The following LPAR1 variants were observed in gnomAD, a reference collection of about 807,000 sequenced individuals.
The protein encoded by LPAR1 is lysophosphatidic acid receptor 1, also known as LPA receptor 1.
In LPAR1, 5 loss-of-function variants were observed where a neutral mutation model predicts 23.8. The ratio of observed to expected loss-of-function variants is 0.21; its 90% CI spans 0.11 to 0.44. The LOEUF (loss-of-function observed/expected upper bound fraction) is 0.44, where lower values mean the gene tolerates loss of function less well. Among genes scored for constraint, LPAR1 ranks in the 20% least tolerant of loss-of-function variants. The pLI is 0.99. For missense variants in LPAR1, 311 were observed against 482.8 expected (o/e 0.64, Z 3.33); for synonymous variants, 160 against 164.7 (o/e 0.97, Z 0.22).
Position 110,933,167 on chromosome 9 carries a change from C to T in LPAR1, c.793+8254G>A, listed in dbSNP as rs558300216. ...GCAGTAAAAGCAAAGGCCATTCATT[C>T]GGGATAAAAATTTACAGAGTATAAT... On this transcript the variant is annotated intron_variant, in intron 5 of 5. Transcript: ENST00000683809. Among the ~76,000 whole-genome samples the T allele has an allele frequency of 2.6e-4, 40 of 152,276 alleles. No individual in the cohort carries two copies. In the South Asian group the frequency reaches 7.9e-3, roughly 30 times the overall value.
At position 110,916,750 on chromosome 9, in the gene LPAR1, C is replaced by A. The variant is rs148430401; in HGVS notation, c.793+24671G>T. Among the ~76,000 whole-genome samples the A allele has an allele frequency of 5.2e-4, 79 of 152,050 alleles. No homozygotes were observed. In the East Asian group the frequency reaches 0.012, roughly 23 times the overall value. On this transcript the variant is annotated intron_variant, in intron 5 of 5. Coordinates refer to ENST00000683809, the MANE Select transcript of LPAR1 (RefSeq NM_001351411.2). The stretch of plus-strand genomic sequence containing the variant: ...GAATGCTAATTACTCCCAAACCACC[C>A]CCTAAAAAAACTCCACTCACTTTAA...
intron 5 of LPAR1, among the ~76,000 whole-genome samples, chr9:110,901,746 G>A (rs1347218603): frequency 6.6e-6 from 1 of 152,004 alleles, no homozygotes; most frequent in East Asian, 1.9e-4. Flanking sequence ...GCATGATTAC[G>A]AAGTAGGGGG....
At chr9:110,900,059 G>A (rs920417248) in intron 5 of LPAR1, among the ~76,000 whole-genome samples, 3 of 152,108 alleles carry the variant, frequency 2.0e-5, no homozygotes, top group South Asian at 4.1e-4. Flanking sequence ...ATTTGTATTC[G>A]TTTTCTATTT....
rs7858454 is a variant in LPAR1 at position 111,038,162 on chromosome 9, C to T, written c.-262+5G>A. ...CGTCCCCACACGCCGCGCCGGCCCC[C>T]TTACCTGCGCTCGCTGCCGCCGCGC... On this transcript the variant is annotated splice_donor_5th_base_variant and intron_variant, in intron 1 of 5. Coordinates refer to ENST00000683809, the MANE Select transcript of LPAR1 (RefSeq NM_001351411.2). This position sits in a 1 kb window ranked among gnomAD's most constrained non-coding sequence, Gnocchi z 4.4. 0.86 allele frequency: 129,450 copies of T among 150,660 alleles called. 55,894 individuals carry two copies. Among genetic ancestry groups the T allele is most frequent in the East Asian group, 0.94 (4,795 of 5,092 alleles). The allele number at this position is 150,660 out of a possible 1,614,324, so 9.3% of individuals were successfully genotyped here.
chr9:110,969,404 T>A (rs368811596), intron 4 of LPAR1, among the ~76,000 whole-genome samples: 1 of 152,278 alleles, frequency 6.6e-6, no homozygotes, highest in East Asian at 1.9e-4. Context: ...TGTGTAGACA[T>A]CCTCATTTTA....
intron 4 of LPAR1, among the ~76,000 whole-genome samples, chr9:110,950,921 C>T (rs1166366173): frequency 6.6e-6 from 1 of 151,966 alleles, no homozygotes; most frequent in Non-Finnish European, 1.5e-5. Context: ...ACAACAATAC[C>T]CAAGACAACT....
At chr9:111,002,110 G>T (rs1189742301) in intron 2 of LPAR1, among the ~76,000 whole-genome samples, 1 of 152,104 alleles carries the variant, frequency 6.6e-6, no homozygotes, top group Admixed American at 6.6e-5. Context: ...AATAACAGTG[G>T]TTTTTTAAAG....
chr9:110,945,994 C>A (rs1482476578), intron 4 of LPAR1, among the ~76,000 whole-genome samples: 2 of 152,134 alleles, frequency 1.3e-5, no homozygotes, highest in Admixed American at 1.3e-4. Flanking sequence ...AAGGTAGTAG[C>A]CACAGGCTCT....
intron 5 of LPAR1, among the ~76,000 whole-genome samples, chr9:110,909,314 A>G (rs910704938): frequency 2.0e-5 from 3 of 152,284 alleles, no homozygotes; most frequent in African/African-American, 7.2e-5. Context: ...CAGTAACAGT[A>G]TAAGTTACAT....
chr9:111,019,512 C>T (rs755215028), intron 2 of LPAR1, among the ~76,000 whole-genome samples: 3 of 151,990 alleles, frequency 2.0e-5, no homozygotes, highest in Admixed American at 6.6e-5. Flanking sequence ...TTCTGCTGAA[C>T]GGCTACTGGA....
intron 5 of LPAR1, among the ~76,000 whole-genome samples, chr9:110,925,319 C>T (rs915094982): frequency 2.6e-5 from 4 of 151,416 alleles, no homozygotes; most frequent in Admixed American, 1.3e-4. Flanking sequence ...TACATTGGTC[C>T]GTGTATCCAA....
chr9:111,000,985 C>T (rs182216417), intron 2 of LPAR1, among the ~76,000 whole-genome samples: 1 of 152,278 alleles, frequency 6.6e-6, no homozygotes, highest in East Asian at 1.9e-4. Context: ...CTTTTGTTCA[C>T]TGCATGTTTC....
intron 5 of LPAR1, among the ~76,000 whole-genome samples, chr9:110,887,170 A>G (rs1413222244): frequency 6.6e-6 from 1 of 152,130 alleles, no homozygotes; most frequent in Non-Finnish European, 1.5e-5. Context: ...TTTGCAGTTC[A>G]TGAATCACAA....
intron 4 of LPAR1, among the ~76,000 whole-genome samples, chr9:110,951,324 C>T (rs948085601): frequency 2.0e-5 from 3 of 152,008 alleles, no homozygotes; most frequent in African/African-American, 7.2e-5. Flanking sequence ...TTTAAGACTT[C>T]TGTGCTGCAA....
At chr9:110,999,031 T>C (rs1244633696) in intron 2 of LPAR1, among the ~76,000 whole-genome samples, 1 of 152,168 alleles carries the variant, frequency 6.6e-6, no homozygotes, top group Non-Finnish European at 1.5e-5. Context: ...ACATTAAAGT[T>C]TAAAATCTTC....
At position 110,969,949 on chromosome 9, in the gene LPAR1, A is replaced by C. The variant is rs34835899; in HGVS notation, c.45+2124T>G. ...AGCAGGGCATGTGCAGAAGTGTATA[A>C]TTTTAATAGATACTGTTGAATTACC... On this transcript the variant is annotated intron_variant, in intron 4 of 5. Coordinates refer to ENST00000683809, the MANE Select transcript of LPAR1 (RefSeq NM_001351411.2). Among the ~76,000 whole-genome samples, 780 of 152,236 alleles carry C rather than the reference A, an allele frequency of 5.1e-3. 5 individuals carry two copies. The highest frequency in any genetic ancestry group is 8.3e-3 in the South Asian group (40 of 4,816).
chr9:110,965,386 G>A (rs182318232), intron 4 of LPAR1, among the ~76,000 whole-genome samples: 1 of 152,174 alleles, frequency 6.6e-6, no homozygotes, highest in East Asian at 1.9e-4. Flanking sequence ...ATCTGACAAA[G>A]GTCTAATATC....
chr9:110,999,505 C>T (rs2097089619), intron 2 of LPAR1: 1 of 450,400 alleles, frequency 2.2e-6, no homozygotes, highest in Admixed American at 2.4e-5. Context: ...TTAGTCAGTT[C>T]AGGCTGCTAT....
chr9:111,018,611 C>T (rs758071448), intron 2 of LPAR1, among the ~76,000 whole-genome samples: 5 of 152,158 alleles, frequency 3.3e-5, no homozygotes, highest in Non-Finnish European at 7.3e-5. Context: ...ATAAACTTGA[C>T]AATGGCTATC....
Sources: gnomAD v4.1 joint callset for allele counts (sites outside exome capture counted in the v4.1 genomes callset) on GRCh38, gnomAD v4.1.1 for gene constraint, Gnocchi (gnomAD v3.1) non-coding constraint, MANE v1.5 for transcripts, NCBI Gene and HGNC (gene_info 2026-07-23, HGNC 2026-07-21) for gene names.